PCDHA5: variants seen among roughly 807,000 people sequenced by gnomAD.
PCDHA5 encodes protocadherin alpha 5, also known as protocadherin alpha-5.
In PCDHA5, 43 loss-of-function variants were observed where a neutral mutation model predicts 61.6. The observed-to-expected ratio is 0.70, with a 90% CI of 0.55 to 0.90. PCDHA5 has a LOEUF of 0.90. Ranked by LOEUF, PCDHA5 falls within the 40% of genes least tolerant of loss-of-function variation. The probability of loss-of-function intolerance (pLI) is 0.00; values close to 1 mark genes in which losing one functional copy is unlikely to be tolerated. For synonymous variants in PCDHA5, 627 were observed against 543.9 expected (o/e 1.15, Z -2.13); for missense variants, 1,298 against 1,222.7 (o/e 1.06, Z -0.92).
At chr5:140,990,224 G>T (rs1368393390) in intron 3 of PCDHA5, among the ~76,000 whole-genome samples, 1 of 152,160 alleles carries the variant, frequency 6.6e-6, no homozygotes, top group Non-Finnish European at 1.5e-5. Flanking sequence ...GAAGTTTATT[G>T]TAACTAGCGT....
chr5:140,882,286 A>G lies in PCDHA5; in HGVS notation c.2352+58159A>G, dbSNP rs13357748. The G allele has an allele frequency of 8.5e-4, 1,378 of 1,613,102 alleles. 12 individuals are homozygous for G. In the African/African-American group the frequency reaches 0.015, roughly 17 times the overall value. Reference sequence around the variant, plus strand: ...AGTGTACCATGCTGTCTTCCTGGCAAGGAGGCCCAAGACCGCGGCAACTAC... The same window carrying G: ...AGTGTACCATGCTGTCTTCCTGGCAGGGAGGCCCAAGACCGCGGCAACTAC... On this transcript the variant is annotated intron_variant, in intron 1 of 3. Transcript: ENST00000529859.
intron 1 of PCDHA5, chr5:140,843,190 C>G (rs2150354954): frequency 1.3e-6 from 2 of 1,595,984 alleles, no homozygotes; most frequent in South Asian, 1.1e-5. Context: ...TCCCGTTCCG[C>G]GTGGGGCTGT....
intron 1 of PCDHA5, chr5:140,856,914 G>A (rs1554149290): frequency 1.3e-6 from 2 of 1,596,230 alleles, no homozygotes; most frequent in East Asian, 4.5e-5. Flanking sequence ...CCCACGATAA[G>A]AAGGAAATTT....
intron 3 of PCDHA5, among the ~76,000 whole-genome samples, chr5:141,007,652 A>T (rs2098338412): frequency 6.6e-6 from 1 of 152,112 alleles, no homozygotes; most frequent in African/African-American, 2.4e-5. Flanking sequence ...TGCCTAAAAA[A>T]CCATAAATTT....
At chr5:140,857,708 G>C (rs1554150547) in intron 1 of PCDHA5, 8 of 1,597,392 alleles carry the variant, frequency 5.0e-6, no homozygotes, top group Non-Finnish European at 6.0e-6. Flanking sequence ...GCAGGTGTTC[G>C]TGCTGGACGA....
intron 1 of PCDHA5, chr5:140,870,238 G>A: frequency 6.2e-7 from 1 of 1,614,162 alleles, no homozygotes; most frequent in Non-Finnish European, 8.5e-7. Context: ...CCGTGACTCA[G>A]GTGTCAACGG....
At chr5:140,916,592 G>A (rs1554197534) in intron 1 of PCDHA5, among the ~76,000 whole-genome samples, 2 of 152,164 alleles carry the variant, frequency 1.3e-5, no homozygotes, top group Non-Finnish European at 2.9e-5. Flanking sequence ...ATGAGCTAGG[G>A]CCTGGAATGC....
chr5:140,884,155 C>T (rs781815602), intron 1 of PCDHA5: 1 of 1,613,430 alleles, frequency 6.2e-7, no homozygotes, highest in Non-Finnish European at 8.5e-7. Flanking sequence ...TGTACACTGG[C>T]GAGATCAGCA....
chr5:140,823,050 C>A lies in PCDHA5; in HGVS notation c.1275C>A (p.Thr425=). The A allele has an allele frequency of 1.2e-6, 2 of 1,614,184 alleles. No individual in the cohort carries two copies. Among genetic ancestry groups the A allele is most frequent in the Non-Finnish European group, 1.7e-6 (2 of 1,180,048 alleles). ...TGTCGGTCTATGAGCTGGTGGTGACCGCGCGGGACGGGGGCTCGCCTTCGC... is the reference window on the plus strand; with the variant it reads ...TGTCGGTCTATGAGCTGGTGGTGACAGCGCGGGACGGGGGCTCGCCTTCGC... ...ESVSVYELVV[T]ARDGGSPSLW... The change falls in exon 1 of 4, where the codon ACC becomes ACA. Residue 425 remains threonine, a synonymous_variant. Coordinates refer to ENST00000529859, the MANE Select transcript of PCDHA5 (RefSeq NM_018908.3).
rs1215623176 is a variant in PCDHA5 at position 140,858,135 on chromosome 5, T to A, written c.2352+34008T>A. On this transcript the variant is annotated intron_variant, in intron 1 of 3. Transcript: ENST00000529859. ...GAGGTGGCCCTGGTGGATGTCAACG[T>A]GTACCTGATCATCGCCATCTGCGCG... is the stretch of plus-strand genomic sequence containing the variant. 2 of 1,597,334 alleles carry A rather than the reference T, an allele frequency of 1.3e-6. 1 individual carries two copies. Among genetic ancestry groups the A allele is most frequent in the Non-Finnish European group, 1.7e-6 (2 of 1,167,406 alleles).
intron 1 of PCDHA5, chr5:140,825,789 T>C (rs2150076169): frequency 6.6e-6 from 1 of 152,576 alleles, no homozygotes; most frequent in East Asian, 1.9e-4. Flanking sequence ...TATATTTTGG[T>C]TGGGAAATTT....
chr5:140,850,370 G>A (rs141414972), intron 1 of PCDHA5: 2 of 1,597,812 alleles, frequency 1.3e-6, no homozygotes, highest in African/African-American at 2.7e-5. Context: ...TCCGCGTGGG[G>A]CTGTACACGG....
At chr5:140,849,620 C>T in intron 1 of PCDHA5, 2 of 1,598,618 alleles carry the variant, frequency 1.3e-6, no homozygotes, top group Non-Finnish European at 1.7e-6. Flanking sequence ...TTAGTGTGAT[C>T]GACCTAGACG....
At chr5:140,843,618 A>C in intron 1 of PCDHA5, 1 of 1,596,148 alleles carries the variant, frequency 6.3e-7, no homozygotes, top group South Asian at 1.1e-5. Context: ...GGGCCACCGA[A>C]GACGGACCTC....
intron 3 of PCDHA5, among the ~76,000 whole-genome samples, chr5:140,994,850 CAT>C (rs10584145): frequency 0.01 from 1,553 of 152,082 alleles, 27 homozygotes; most frequent in African/African-American, 0.036. Flanking sequence ...AAGATGAGTG[CAT>C]TTGATGGATG....
Position 140,822,269 on chromosome 5 carries a change from C to A in PCDHA5, c.494C>A (p.Ala165Glu). 4 of 1,614,196 alleles carry A rather than the reference C, an allele frequency of 2.5e-6. No homozygotes were observed. The highest frequency in any genetic ancestry group is 3.4e-6 in the Non-Finnish European group (4 of 1,180,036). Residue 165 changes from alanine to glutamate, a missense_variant, in exon 1 of 4, where the codon GCA (alanine) becomes GAA (glutamate). Ala to Glu is a moderately radical substitution (Grantham distance 107). Transcript: ENST00000529859. ...TCGGATTTGGATATTGGAGCAAATGCACAATTGAGATACAGGTTAAATCCA... is the reference window on the plus strand; with the variant it reads ...TCGGATTTGGATATTGGAGCAAATGAACAATTGAGATACAGGTTAAATCCA... ...GASDLDIGAN[A>E]QLRYRLNPNE...
chr5:140,971,019 G>A (rs908442935), intron 1 of PCDHA5, among the ~76,000 whole-genome samples: 2 of 152,174 alleles, frequency 1.3e-5, no homozygotes, highest in African/African-American at 2.4e-5. Flanking sequence ...TCTTTAGATC[G>A]TAGCATTTGA....
chr5:140,984,882 A>G (rs1456658089), intron 3 of PCDHA5, among the ~76,000 whole-genome samples: 3 of 152,150 alleles, frequency 2.0e-5, no homozygotes, highest in African/African-American at 7.2e-5. Context: ...AGTTACCATG[A>G]GAACTAAAGG....
intron 1 of PCDHA5, among the ~76,000 whole-genome samples, chr5:140,932,460 A>G (rs1275552236): frequency 6.6e-6 from 1 of 151,902 alleles, no homozygotes; most frequent in Non-Finnish European, 1.5e-5. Flanking sequence ...TTGCCAGGGT[A>G]TATAGGAAAT....
Sources: allele counts gnomAD v4.1 joint callset (sites outside exome capture counted in the v4.1 genomes callset), GRCh38; gene constraint gnomAD v4.1.1; transcripts MANE v1.5; gene names NCBI Gene and HGNC (gene_info 2026-07-23, HGNC 2026-07-21).